ATP11A: variants seen among roughly 807,000 people sequenced by gnomAD.
ATP11A encodes ATPase phospholipid transporting 11A.
In ATP11A, 81 loss-of-function variants were observed where a neutral mutation model predicts 154.4. The ratio of observed to expected loss-of-function variants is 0.52; its 90% CI spans 0.44 to 0.63. The LOEUF is 0.63. ATP11A is among the 30% of genes least tolerant of loss of function. The pLI is 0.00. For missense variants in ATP11A, 1,316 were observed against 1,474.3 expected (o/e 0.89, Z 1.76); for synonymous variants, 623 against 585.9 (o/e 1.06, Z -0.91).
At chr13:112,834,827 G>A (rs1397523562) in intron 15 of ATP11A, among the ~76,000 whole-genome samples, 167 bp downstream of exon 15, 1 of 152,288 alleles carries the variant, frequency 6.6e-6, no homozygotes. Context: ...TTCTGGAGAA[G>A]TGCTGGACAC....
At chr13:112,820,623 C>A (rs1232018064) in intron 8 of ATP11A, among the ~76,000 whole-genome samples, 1 of 152,240 alleles carries the variant, frequency 6.6e-6, no homozygotes, top group African/African-American at 2.4e-5. Context: ...CTGAGCAGCA[C>A]CCACCTCCCA....
chr13:112,764,988 G>A (rs1342568848), intron 1 of ATP11A, among the ~76,000 whole-genome samples: 1 of 152,228 alleles, frequency 6.6e-6, no homozygotes, highest in Non-Finnish European at 1.5e-5. Flanking sequence ...CTGGGGCAAG[G>A]CAGGGACATC....
rs576802116 is a variant in ATP11A, at chr13:112,785,801, G to A, written c.162+544G>A. 1.3e-5 allele frequency among the ~76,000 whole-genome samples: 2 copies of A among 152,352 alleles called. No individual in the cohort carries two copies. The highest frequency in any genetic ancestry group is 1.9e-4 in the East Asian group (1 of 5,162). On this transcript the variant is annotated intron_variant, in intron 2 of 29. Transcript: ENST00000375645. The surrounding 1 kb of genome is among the most constrained non-coding windows in gnomAD (Gnocchi z 4.8). ...CGTGTTTCTCTCCATGGACTAGAGC[G>A]TGGAAGTGCACACACATTTCCCACG...
At chr13:112,834,241 A>G (rs2079172552) in intron 14 of ATP11A, among the ~76,000 whole-genome samples, 1 of 152,246 alleles carries the variant, frequency 6.6e-6, no homozygotes, top group Admixed American at 6.5e-5. Flanking sequence ...GCTCAACAAC[A>G]ACAAAGTCCA....
chr13:112,788,598 T>C (rs1184351219), intron 2 of ATP11A, among the ~76,000 whole-genome samples: 1 of 150,736 alleles, frequency 6.6e-6, no homozygotes, highest in Non-Finnish European at 1.5e-5. Flanking sequence ...TGTAGACCCC[T>C]GCGGAGACCT....
intron 1 of ATP11A, among the ~76,000 whole-genome samples, chr13:112,756,972 C>T (rs551556674): frequency 1.6e-4 from 24 of 151,756 alleles, no homozygotes; most frequent in South Asian, 6.2e-4. Flanking sequence ...ATACTAGTTA[C>T]ATCGTTTACA....
intron 17 of ATP11A, 110 bp downstream of exon 17, chr13:112,842,489 G>T (rs2079451081): frequency 1.1e-6 from 1 of 883,414 alleles, no homozygotes; most frequent in Non-Finnish European, 1.8e-6. Context: ...TATTCCTTGG[G>T]GAATGTTTAG....
At chr13:112,836,644 A>G (rs1023870550) in intron 16 of ATP11A, among the ~76,000 whole-genome samples, 3 of 152,262 alleles carry the variant, frequency 2.0e-5, no homozygotes, top group African/African-American at 7.2e-5. Flanking sequence ...AGGAAAAGGT[A>G]ATGTGGGTTT....
In ATP11A at chr13:112,719,598, T is replaced by C. The variant is rs185362972; in HGVS notation, c.39+29143T>C. ...CACTGGGCAATGGCAGAACAGTCAGTTTTGTAAGGTGGAAGCAAGGAAACA... is the reference window on the plus strand; with the variant it reads ...CACTGGGCAATGGCAGAACAGTCAGCTTTGTAAGGTGGAAGCAAGGAAACA... On this transcript the variant is annotated intron_variant, in intron 1 of 29. Coordinates refer to ENST00000375645, the MANE Select transcript of ATP11A (RefSeq NM_015205.3). Among the ~76,000 whole-genome samples the C allele has an allele frequency of 2.0e-5, 3 of 152,224 alleles. No homozygotes were observed. The East Asian group carries it at 5.8e-4, about 29-fold the overall frequency.
rs185560863 is a variant in ATP11A, at chr13:112,731,785, C to G, written c.39+41330C>G. 2.1e-3 allele frequency among the ~76,000 whole-genome samples: 318 copies of G among 152,220 alleles called. 1 individual carries two copies. The highest frequency in any genetic ancestry group is 7.3e-3 in the African/African-American group (304 of 41,528). ...TGCTACGAACATATCACATCCTATC[C>G]TTCAAAAAATATCCCATCTTGCCCT... On this transcript the variant is annotated intron_variant, in intron 1 of 29. Coordinates refer to ENST00000375645, the MANE Select transcript of ATP11A (RefSeq NM_015205.3).
intron 1 of ATP11A, among the ~76,000 whole-genome samples, chr13:112,772,649 G>A (rs1053519897): frequency 5.9e-5 from 9 of 152,002 alleles, no homozygotes; most frequent in South Asian, 4.2e-4. Context: ...CTCCCCTCCC[G>A]TCATGCCCCA....
rs913424160 is a variant in ATP11A, at chr13:112,838,871, G to A, written c.1705+2620G>A. On this transcript the variant is annotated intron_variant, in intron 16 of 29. Transcript: ENST00000375645. The surrounding 1 kb of genome is among the most constrained non-coding windows in gnomAD (Gnocchi z 7.3). Reference sequence around the variant, plus strand: ...TGTTCTGTAAGTAGTAGTCATCCCCGGAGAGGTTCACTAATTGCACTGGAG... The same window carrying A: ...TGTTCTGTAAGTAGTAGTCATCCCCAGAGAGGTTCACTAATTGCACTGGAG... Among the ~76,000 whole-genome samples the A allele has an allele frequency of 3.9e-5, 6 of 152,178 alleles. No homozygotes were observed. The highest frequency in any genetic ancestry group is 7.4e-5 in the Non-Finnish European group (5 of 68,026).
chr13:112,769,269 G>A (rs116497956), intron 1 of ATP11A, among the ~76,000 whole-genome samples: 1,548 of 152,340 alleles, frequency 0.01, 21 homozygotes, highest in African/African-American at 0.034. Context: ...GGACCTCCCG[G>A]CCCCACGGCG....
intron 28 of ATP11A, 124 bp from the exon 29 acceptor site, chr13:112,878,093 A>G: frequency 1.1e-6 from 1 of 900,332 alleles, no homozygotes. Flanking sequence ...GCCTCTGACT[A>G]ACTCAGCTCT....
chr13:112,804,985 A>T lies in ATP11A; in HGVS notation c.191A>T (p.Asn64Ile). The T allele has an allele frequency of 6.2e-7, 1 of 1,611,142 alleles. No individual in the cohort carries two copies. Among genetic ancestry groups the T allele is most frequent in the Non-Finnish European group, 8.5e-7 (1 of 1,178,804 alleles). The change falls in exon 3 of 30, where the codon AAT becomes ATT. Residue 64 changes from asparagine (N) to isoleucine (I), a missense_variant. Coordinates refer to ENST00000375645, the MANE Select transcript of ATP11A (RefSeq NM_015205.3). ...KYTFWNFIPK[N>I]LFEQFRRVAN... ...ACATTTTGGAACTTTATACCCAAGAATTTATTTGAACAATTCAGAAGAGTA... is the reference window on the plus strand; with the variant it reads ...ACATTTTGGAACTTTATACCCAAGATTTTATTTGAACAATTCAGAAGAGTA...
chr13:112,819,981 G>A (rs144474738), intron 8 of ATP11A, 31 bp downstream of exon 8: 140 of 1,558,124 alleles, frequency 9.0e-5, no homozygotes, highest in Non-Finnish European at 1.2e-4. Context: ...CTTGGCCACG[G>A]TCACCTCCCT....
chr13:112,720,292 G>A (rs574127386), intron 1 of ATP11A, among the ~76,000 whole-genome samples: 46 of 152,356 alleles, frequency 3.0e-4, no homozygotes, highest in Middle Eastern at 3.4e-3. Context: ...TTCTTGAAAC[G>A]GGTGTCACAG....
intron 8 of ATP11A, among the ~76,000 whole-genome samples, 195 bp downstream of exon 8, chr13:112,820,145 A>G (rs2078759510): frequency 6.6e-6 from 1 of 152,204 alleles, no homozygotes; most frequent in Non-Finnish European, 1.5e-5. Context: ...TTGACAAGTT[A>G]GTGATGCTCG....
At chr13:112,828,113 G>GC (rs2078981846) in intron 12 of ATP11A, among the ~76,000 whole-genome samples, 7 of 71,650 alleles carry the variant, frequency 9.8e-5, no homozygotes, top group Admixed American at 6.0e-4. Context: ...AGCGTTGAGT[G>GC]GGGGGAAGCG....
Sources: allele counts gnomAD v4.1 joint callset (sites outside exome capture counted in the v4.1 genomes callset), GRCh38; gene constraint gnomAD v4.1.1; non-coding constraint Gnocchi (gnomAD v3.1); transcripts MANE v1.5; gene names NCBI Gene and HGNC (gene_info 2026-07-23, HGNC 2026-07-21).